The following GRM8 variants were observed in gnomAD, a reference collection of about 807,000 sequenced individuals.
The protein encoded by GRM8 is glutamate metabotropic receptor 8.
Under a neutral mutation model 87.2 loss-of-function variants are expected in GRM8, and 47 were observed. The observed-to-expected ratio is 0.54, with a 90% CI of 0.43 to 0.69. The LOEUF is 0.69. Among genes scored for constraint, GRM8 ranks in the 30% least tolerant of loss-of-function variants. GRM8 has a pLI of 0.00. For missense variants in GRM8, 1,019 were observed against 1,139.2 expected, an observed-to-expected ratio of 0.89 and a Z score of 1.52; for synonymous variants, 396 against 404.5, an observed-to-expected ratio of 0.98 and a Z score of 0.25.
intron 3 of GRM8, among the ~76,000 whole-genome samples, chr7:126,958,747 G>A (rs143101353): frequency 6.6e-6 from 1 of 152,246 alleles, no homozygotes; most frequent in East Asian, 1.9e-4. Flanking sequence ...GACACCCCAA[G>A]GATCCTGTGA....
Position 126,904,099 on chromosome 7 carries a change from T to C in GRM8, c.891A>G (p.Leu297=). 1 of 1,612,198 alleles carries C rather than the reference T, an allele frequency of 6.2e-7. No individual in the cohort carries two copies. Among genetic ancestry groups the C allele is most frequent in the Non-Finnish European group, 8.5e-7 (1 of 1,178,810 alleles). Residue 297 remains leucine, a synonymous_variant, in exon 5 of 11, where the codon CTA becomes CTG. Transcript: ENST00000339582. ...TCCAGAGAAAATGCCCACTTTGGTT[T>C]AGTTTTTTTGCTGCTTCCAATATCC... is the stretch of plus-strand genomic sequence containing the variant. ...IRRILEAAKK[L]NQSGHFLWIG...
chr7:126,726,126 T>C (rs1313308836), intron 7 of GRM8, among the ~76,000 whole-genome samples: 2 of 152,064 alleles, frequency 1.3e-5, no homozygotes, highest in Non-Finnish European at 2.9e-5. Context: ...TGAGAAGTAA[T>C]ATAATTAATA....
At chr7:126,545,950 CACTT>C (rs1288347784) in intron 8 of GRM8, among the ~76,000 whole-genome samples, 3 of 152,128 alleles carry the variant, frequency 2.0e-5, no homozygotes, top group African/African-American at 4.8e-5. Flanking sequence ...CAGTGCAAAA[CACTT>C]ACCCATTTCA....
intron 2 of GRM8, among the ~76,000 whole-genome samples, chr7:127,107,152 A>G (rs1038078515): frequency 2.0e-5 from 3 of 152,218 alleles, no homozygotes; most frequent in African/African-American, 7.2e-5. Flanking sequence ...CTAACAGGGA[A>G]TTTAATATAA....
rs933612621 is a variant in GRM8 at position 126,751,517 on chromosome 7, CT to C, written c.1357+18347del. Among the ~76,000 whole-genome samples, 452 of 152,164 alleles carry C rather than the reference CT, an allele frequency of 3.0e-3. 4 individuals carry two copies. The highest frequency in any genetic ancestry group is 0.01 in the African/African-American group (428 of 41,534). ...TTCAGAGGACTTGCATTAATTGGAG[CT>C]GTGTAAGCAACTTGCATTATTTAGA... On this transcript the variant is annotated intron_variant, in intron 7 of 10. Transcript: ENST00000339582.
At chr7:126,624,012 T>G (rs183097190) in intron 7 of GRM8, among the ~76,000 whole-genome samples, 143 of 152,292 alleles carry the variant, frequency 9.4e-4, no homozygotes, top group African/African-American at 3.3e-3. Context: ...ATCTAGAATT[T>G]GCCCATTCTT....
chr7:127,211,020 T>G (rs991054818), intron 2 of GRM8, among the ~76,000 whole-genome samples: 1 of 152,210 alleles, frequency 6.6e-6, no homozygotes, highest in African/African-American at 2.4e-5. Context: ...TGAATCTTCA[T>G]GTCCCTCCAG....
intron 9 of GRM8, among the ~76,000 whole-genome samples, chr7:126,510,228 A>G (rs1811126733): frequency 6.6e-6 from 1 of 151,888 alleles, no homozygotes; most frequent in African/African-American, 2.4e-5. Flanking sequence ...AAAAAAGTAT[A>G]CAAATGACAC....
At chr7:126,819,731 T>G (rs991377029) in intron 6 of GRM8, among the ~76,000 whole-genome samples, 2 of 152,048 alleles carry the variant, frequency 1.3e-5, no homozygotes, top group Non-Finnish European at 2.9e-5. Context: ...ATATTAACAA[T>G]GTAAATAGAT....
At chr7:126,524,337 A>G (rs1361976464) in intron 9 of GRM8, among the ~76,000 whole-genome samples, 1 of 152,198 alleles carries the variant, frequency 6.6e-6, no homozygotes, top group African/African-American at 2.4e-5. Flanking sequence ...TTGGTTGGCT[A>G]TAGAATTTTA....
At chr7:126,487,085 C>T (rs1807456271) in intron 9 of GRM8, among the ~76,000 whole-genome samples, 1 of 152,002 alleles carries the variant, frequency 6.6e-6, no homozygotes, top group South Asian at 2.1e-4. Flanking sequence ...TTTTAAGTTA[C>T]TTAGTGTGCA....
chr7:126,760,570 A>AGGTC (rs1310144167), intron 7 of GRM8, among the ~76,000 whole-genome samples: 8 of 152,212 alleles, frequency 5.3e-5, no homozygotes, highest in African/African-American at 1.2e-4. Context: ...AGAAACAAAA[A>AGGTC]AATTACTTGT....
intron 3 of GRM8, among the ~76,000 whole-genome samples, chr7:127,103,871 T>G (rs1377673116): frequency 6.6e-6 from 1 of 152,150 alleles, no homozygotes; most frequent in Non-Finnish European, 1.5e-5. Context: ...CCTCTCCCAC[T>G]CAGAAAGATC....
At chr7:127,248,839 T>G (rs1359972790) in intron 1 of GRM8, among the ~76,000 whole-genome samples, 1 of 152,112 alleles carries the variant, frequency 6.6e-6, no homozygotes, top group Non-Finnish European at 1.5e-5. Context: ...AAGTCAACCC[T>G]GGCAAGCCTA....
intron 3 of GRM8, among the ~76,000 whole-genome samples, chr7:126,943,019 A>G (rs1807137349): frequency 6.6e-6 from 1 of 152,170 alleles, no homozygotes; most frequent in Non-Finnish European, 1.5e-5. Flanking sequence ...AATTCTACTC[A>G]ATATGTCTCA....
At chr7:126,519,782 T>C (rs1393879702) in intron 9 of GRM8, among the ~76,000 whole-genome samples, 1 of 152,142 alleles carries the variant, frequency 6.6e-6, no homozygotes, top group Non-Finnish European at 1.5e-5. Context: ...AGTGCTTATG[T>C]AGCTAGCAAT....
At chr7:127,092,811 G>A (rs1824277886) in intron 3 of GRM8, among the ~76,000 whole-genome samples, 1 of 152,238 alleles carries the variant, frequency 6.6e-6, no homozygotes, top group African/African-American at 2.4e-5. Flanking sequence ...CTCTTGCCAT[G>A]TGGCAGTATG....
intron 6 of GRM8, among the ~76,000 whole-genome samples, chr7:126,896,846 C>T (rs185797586): frequency 5.9e-5 from 9 of 152,196 alleles, no homozygotes; most frequent in African/African-American, 2.2e-4. Flanking sequence ...GCAGCAGTGC[C>T]CCAGTCTCCT....
Position 126,533,155 on chromosome 7 carries a change from C to T in GRM8, c.2227G>A (p.Asp743Asn), listed in dbSNP as rs754911383. The T allele has an allele frequency of 6.2e-7, 1 of 1,612,896 alleles. No homozygotes were observed. Among genetic ancestry groups the T allele is most frequent in the South Asian group, 1.1e-5 (1 of 90,986 alleles). ...PEKARGVLKC[D>N]ISDLSLICSL... Reference sequence around the variant, plus strand: ...CAAATGAGTGAGAGATCAGAAATGTCACACTTGAGCACTCCCCTGGCCTTC... The same window carrying T: ...CAAATGAGTGAGAGATCAGAAATGTTACACTTGAGCACTCCCCTGGCCTTC... Residue 743 changes from aspartate (D) to asparagine (N), a missense_variant, in exon 9 of 11, where the codon GAC (aspartate) becomes AAC (asparagine). Asp to Asn is a conservative substitution (Grantham distance 23, BLOSUM62 1). Transcript: ENST00000339582.
Sources: gnomAD v4.1 joint callset for allele counts (sites outside exome capture counted in the v4.1 genomes callset) on GRCh38, gnomAD v4.1.1 for gene constraint, MANE v1.5 for transcripts, NCBI Gene and HGNC (gene_info 2026-07-23, HGNC 2026-07-21) for gene names.